Variants in PTPRN2 observed in about 807,000 individuals in gnomAD.
PTPRN2 encodes protein tyrosine phosphatase receptor type N2, also known as receptor-type tyrosine-protein phosphatase N2.
Under a neutral mutation model 118.8 loss-of-function variants are expected in PTPRN2, and 74 were observed. The observed-to-expected ratio is 0.62, with a 90% CI of 0.52 to 0.76. The LOEUF (loss-of-function observed/expected upper bound fraction) is 0.76. Among genes scored for constraint, PTPRN2 ranks in the 30% least tolerant of loss-of-function variants. The pLI is 0.00. For synonymous variants in PTPRN2, 641 were observed against 608.0 expected (o/e 1.05, Z -0.80); for missense variants, 1,481 against 1,394.4 (o/e 1.06, Z -0.99).
chr7:158,424,526 C>T (rs895004620), intron 2 of PTPRN2, among the ~76,000 whole-genome samples: 1 of 152,236 alleles, frequency 6.6e-6, no homozygotes, highest in African/African-American at 2.4e-5. Flanking sequence ...CTCTATTAAC[C>T]TGTCTCTGGC....
intron 11 of PTPRN2, among the ~76,000 whole-genome samples, chr7:158,078,990 G>T (rs1422314900): frequency 6.6e-6 from 1 of 152,114 alleles, no homozygotes; most frequent in African/African-American, 2.4e-5. Context: ...TGAGGTTTGA[G>T]CCACCACACC....
chr7:157,634,089 A>T (rs1471929724), intron 14 of PTPRN2, among the ~76,000 whole-genome samples: 2 of 152,118 alleles, frequency 1.3e-5, no homozygotes, highest in Non-Finnish European at 2.9e-5. Context: ...TGCAGGCAAC[A>T]CGTCCTAGGA....
chr7:157,841,293 C>T (rs993502595), intron 12 of PTPRN2, among the ~76,000 whole-genome samples: 5 of 152,226 alleles, frequency 3.3e-5, no homozygotes, highest in East Asian at 1.9e-4. Flanking sequence ...GGCTGAACAT[C>T]GGTGAAGAGA....
At chr7:158,202,065 C>T (rs1418149900) in intron 4 of PTPRN2, among the ~76,000 whole-genome samples, 2 of 152,082 alleles carry the variant, frequency 1.3e-5, no homozygotes, top group Non-Finnish European at 2.9e-5. Context: ...ATGTGGAAAT[C>T]GCTATTAAAG....
At chr7:157,657,712 C>A (rs1453049806) in intron 13 of PTPRN2, among the ~76,000 whole-genome samples, 4 of 92,506 alleles carry the variant, frequency 4.3e-5, no homozygotes, top group Non-Finnish European at 6.6e-5. Context: ...CACATACACC[C>A]CACACACACA....
chr7:158,163,978 T>A (rs1822630346), intron 6 of PTPRN2, among the ~76,000 whole-genome samples: 1 of 152,254 alleles, frequency 6.6e-6, no homozygotes, highest in African/African-American at 2.4e-5. Flanking sequence ...CATGAGGCTT[T>A]TCTAAAGCGC....
At chr7:158,441,731 G>GCAA (rs1817285980) in intron 2 of PTPRN2, among the ~76,000 whole-genome samples, 1 of 151,064 alleles carries the variant, frequency 6.6e-6, no homozygotes, top group Non-Finnish European at 1.5e-5. Flanking sequence ...GATAGCGATG[G>GCAA]TGATGGCAGT....
At chr7:158,366,605 G>A (rs12698235) in intron 2 of PTPRN2, among the ~76,000 whole-genome samples, 99,610 of 149,584 alleles carry the variant, frequency 0.67, 33,265 homozygotes, top group East Asian at 0.83. Flanking sequence ...GCAGAGCCCC[G>A]GCAGCCCCTC....
intron 9 of PTPRN2, among the ~76,000 whole-genome samples, chr7:158,112,884 C>T (rs954790323): frequency 4.6e-5 from 7 of 152,112 alleles, no homozygotes; most frequent in African/African-American, 1.7e-4. Context: ...GTGCTGGGGG[C>T]AGTGCATCAT....
chr7:158,403,236 C>A (rs529911197), intron 2 of PTPRN2, among the ~76,000 whole-genome samples: 35 of 152,342 alleles, frequency 2.3e-4, no homozygotes, highest in African/African-American at 7.9e-4. Flanking sequence ...ATGTGAGCAC[C>A]TCTGCCAGCA....
intron 2 of PTPRN2, among the ~76,000 whole-genome samples, chr7:158,483,881 T>C (rs1488603615): frequency 6.6e-6 from 1 of 152,214 alleles, no homozygotes; most frequent in Admixed American, 6.5e-5. Context: ...CTCATGCCTG[T>C]AATCCCAGCA....
chr7:158,250,402 G>A (rs905179340), intron 3 of PTPRN2, among the ~76,000 whole-genome samples: 1 of 152,050 alleles, frequency 6.6e-6, no homozygotes, highest in Non-Finnish European at 1.5e-5. Context: ...AATTGAAATG[G>A]TATCAAAACA....
chr7:158,423,033 C>T (rs554294321), intron 2 of PTPRN2, among the ~76,000 whole-genome samples: 11 of 152,338 alleles, frequency 7.2e-5, no homozygotes, highest in Admixed American at 1.3e-4. Flanking sequence ...CCGATAAACC[C>T]GAGACCACAG....
At chr7:158,081,186 A>G in intron 11 of PTPRN2, 112 bp downstream of exon 11, 1 of 1,104,760 alleles carries the variant, frequency 9.1e-7, no homozygotes, top group Non-Finnish European at 1.4e-6. Context: ...GGGTTGCCCC[A>G]TGTGGGTAGT....
chr7:158,455,712 T>C (rs374412633), intron 2 of PTPRN2, among the ~76,000 whole-genome samples: 122 of 105,258 alleles, frequency 1.2e-3, no homozygotes, highest in East Asian at 3.2e-3. Flanking sequence ...GACAACGGCA[T>C]GGACGCCATC....
At chr7:158,337,599 C>T (rs879781450) in intron 2 of PTPRN2, among the ~76,000 whole-genome samples, 1,952 of 51,980 alleles carry the variant, frequency 0.038, no homozygotes, top group Non-Finnish European at 0.046. Context: ...TCACTCACAC[C>T]CACACTCTCA....
intron 2 of PTPRN2, among the ~76,000 whole-genome samples, chr7:158,465,145 T>G (rs1481780896): frequency 6.6e-6 from 1 of 152,230 alleles, no homozygotes. Context: ...CCTCCTCTCC[T>G]GGGCCTTGTA....
At chr7:158,283,769 T>C (rs990009489) in intron 3 of PTPRN2, among the ~76,000 whole-genome samples, 6 of 151,174 alleles carry the variant, frequency 4.0e-5, no homozygotes, top group African/African-American at 1.5e-4. Context: ...CTCAGGCCAC[T>C]CAAAGCCACC....
chr7:157,682,634 G>A (rs1796966736), intron 13 of PTPRN2, 91 bp downstream of exon 13: 3 of 1,290,138 alleles, frequency 2.3e-6, no homozygotes, highest in Non-Finnish European at 2.2e-6. Flanking sequence ...AACAACTGCT[G>A]GGAATGGAGG....
Sources: allele counts gnomAD v4.1 joint callset (sites outside exome capture counted in the v4.1 genomes callset), GRCh38; gene constraint gnomAD v4.1.1; transcripts MANE v1.5; gene names NCBI Gene and HGNC (gene_info 2026-07-23, HGNC 2026-07-21).